The following PTPRD variants were observed in gnomAD, a reference collection of about 807,000 sequenced individuals.
PTPRD encodes the protein receptor-type tyrosine-protein phosphatase delta.
A neutral mutation model predicts 214.5 loss-of-function variants in PTPRD; 34 were observed. The observed-to-expected ratio is 0.16, with a 90% CI of 0.12 to 0.21. The LOEUF (loss-of-function observed/expected upper bound fraction) is 0.21. Ranked by LOEUF, PTPRD falls within the 10% of genes least tolerant of loss-of-function variation. PTPRD has a pLI of 1.00. For missense variants in PTPRD, 2,545 were observed against 2,398.7 expected, an observed-to-expected ratio of 1.06 and a Z score of -1.27; for synonymous variants, 1,128 against 845.7, an observed-to-expected ratio of 1.33 and a Z score of -5.79.
At chr9:10,304,240 C>T (rs1300247745) in intron 3 of PTPRD, among the ~76,000 whole-genome samples, 1 of 152,068 alleles carries the variant, frequency 6.6e-6, no homozygotes, top group Non-Finnish European at 1.5e-5. Flanking sequence ...TCTCAATACG[C>T]TAGGTACTGA....
intron 8 of PTPRD, among the ~76,000 whole-genome samples, chr9:9,423,073 T>G (rs1363831421): frequency 2.0e-5 from 3 of 152,152 alleles, no homozygotes; most frequent in Admixed American, 2.0e-4. Context: ...CTCTTCCTCA[T>G]GAAGTTCTTG....
chr9:9,844,862 A>G (rs1408707638), intron 5 of PTPRD, among the ~76,000 whole-genome samples: 1 of 151,490 alleles, frequency 6.6e-6, no homozygotes, highest in Non-Finnish European at 1.5e-5. Context: ...TATTTTATAA[A>G]CTGAAAAACA....
chr9:10,573,974 T>A (rs571889832), intron 2 of PTPRD, among the ~76,000 whole-genome samples: 2 of 152,166 alleles, frequency 1.3e-5, no homozygotes, highest in East Asian at 3.9e-4. Context: ...CCCAGGACAG[T>A]GAAGCAGGAT....
intron 11 of PTPRD, among the ~76,000 whole-genome samples, chr9:8,892,069 T>C (rs939623549): frequency 2.0e-5 from 3 of 152,132 alleles, no homozygotes; most frequent in Admixed American, 6.6e-5. Context: ...TGCTTGAGGT[T>C]TGGGAGATGA....
intron 9 of PTPRD, among the ~76,000 whole-genome samples, chr9:9,271,286 T>TA (rs572297302): frequency 0.013 from 1,875 of 144,110 alleles, 41 homozygotes; most frequent in African/African-American, 0.042. Flanking sequence ...TTTCTCATCT[T>TA]AAAAAAAAAA....
chr9:9,955,686 A>G (rs553524260), intron 4 of PTPRD, among the ~76,000 whole-genome samples: 30 of 151,696 alleles, frequency 2.0e-4, no homozygotes, highest in South Asian at 4.2e-4. Flanking sequence ...ACCATGCCCG[A>G]CTAATTTTTT....
At chr9:9,275,172 AT>A (rs1944937248) in intron 9 of PTPRD, among the ~76,000 whole-genome samples, 1 of 36,118 alleles carries the variant, frequency 2.8e-5, no homozygotes, top group Non-Finnish European at 4.5e-5. Flanking sequence ...TAACATATAT[AT>A]AATATATATG....
intron 8 of PTPRD, among the ~76,000 whole-genome samples, chr9:9,453,651 G>C (rs960654738): frequency 1.3e-5 from 2 of 151,666 alleles, no homozygotes; most frequent in African/African-American, 4.8e-5. Flanking sequence ...TTTGTTTACT[G>C]TTCTCTTCAA....
intron 12 of PTPRD, among the ~76,000 whole-genome samples, chr9:8,658,076 C>T (rs561686483): frequency 6.6e-6 from 1 of 152,064 alleles, no homozygotes; most frequent in South Asian, 2.1e-4. Flanking sequence ...CCCGAAATAA[C>T]TGAATTGAGA....
intron 10 of PTPRD, among the ~76,000 whole-genome samples, chr9:9,049,920 GT>G (rs1451360241): frequency 6.6e-6 from 1 of 152,218 alleles, no homozygotes; most frequent in Non-Finnish European, 1.5e-5. Context: ...TAAAGCCACA[GT>G]GACATTAATG....
intron 7 of PTPRD, among the ~76,000 whole-genome samples, chr9:9,724,015 G>T (rs1210431930): frequency 6.6e-6 from 1 of 151,978 alleles, no homozygotes; most frequent in Non-Finnish European, 1.5e-5. Context: ...GCCCTGGCTA[G>T]AACCTCCAGT....
intron 44 of PTPRD, among the ~76,000 whole-genome samples, chr9:8,331,047 A>AGAAACTAT (rs1840128803): frequency 6.7e-6 from 1 of 149,726 alleles, no homozygotes; most frequent in African/African-American, 2.5e-5. Context: ...AAAATGCTCT[A>AGAAACTAT]GAAACTATTG....
rs539506718 is a variant in PTPRD at position 9,085,529 on chromosome 9, A to T, written c.-142-66794T>A. Among the ~76,000 whole-genome samples the T allele has an allele frequency of 4.4e-4, 67 of 152,246 alleles. No homozygotes were observed. The South Asian group carries it at 0.013, about 30-fold the overall frequency. On this transcript the variant is annotated intron_variant, in intron 10 of 45. Transcript: ENST00000381196. ...GGAAGAATAAGATCCATTTCCAAAC[A>T]GTTTAGAAACTCAGGGCTTTTTTTC... is the stretch of plus-strand genomic sequence containing the variant.
At chr9:9,247,282 A>C (rs892597816) in intron 9 of PTPRD, among the ~76,000 whole-genome samples, 5 of 152,068 alleles carry the variant, frequency 3.3e-5, no homozygotes, top group African/African-American at 1.2e-4. Context: ...TGGGTTTCCC[A>C]ACTCAGTCTA....
intron 11 of PTPRD, among the ~76,000 whole-genome samples, chr9:8,997,530 C>G (rs368976850): frequency 1.3e-5 from 2 of 151,970 alleles, no homozygotes; most frequent in African/African-American, 4.8e-5. Context: ...TGTGAGTGTG[C>G]GTTCTGAATG....
rs7034130 is a variant in PTPRD, at chr9:10,426,275, A to G, written c.-599-85258T>C. 4.7e-3 allele frequency among the ~76,000 whole-genome samples: 720 copies of G among 152,126 alleles called. 5 individuals carry two copies. Among genetic ancestry groups the G allele is most frequent in the African/African-American group, 0.015 (630 of 41,544 alleles). Reference sequence around the variant, plus strand: ...TTAAACCCTAAGTTTAAGTTAATCAATTCTCATTTCATGAGTATTGTCATT... The same window carrying G: ...TTAAACCCTAAGTTTAAGTTAATCAGTTCTCATTTCATGAGTATTGTCATT... On this transcript the variant is annotated intron_variant, in intron 2 of 45. Transcript: ENST00000381196.
intron 11 of PTPRD, among the ~76,000 whole-genome samples, chr9:8,830,736 A>G (rs1343319041): frequency 6.6e-6 from 1 of 152,108 alleles, no homozygotes; most frequent in South Asian, 2.1e-4. Context: ...AACAAGTGCA[A>G]ATGGTCATTC....
intron 10 of PTPRD, among the ~76,000 whole-genome samples, chr9:9,062,888 A>C (rs2099710191): frequency 6.6e-6 from 1 of 152,158 alleles, no homozygotes; most frequent in African/African-American, 2.4e-5. Flanking sequence ...CGCTTATGTC[A>C]CAGGGGTGTT....
intron 11 of PTPRD, among the ~76,000 whole-genome samples, chr9:8,874,356 G>A (rs999653660): frequency 1.1e-4 from 15 of 138,012 alleles, no homozygotes; most frequent in Admixed American, 8.7e-4. Flanking sequence ...ACAGTTGAAC[G>A]GACTGTTTTT....
Sources: gnomAD v4.1 joint callset for allele counts (sites outside exome capture counted in the v4.1 genomes callset) on GRCh38, gnomAD v4.1.1 for gene constraint, MANE v1.5 for transcripts, NCBI Gene and HGNC (gene_info 2026-07-23, HGNC 2026-07-21) for gene names.